The following ADGRE2 variants were observed in gnomAD, a reference collection of about 807,000 sequenced individuals.
ADGRE2 encodes the protein CD97 antigen.
In ADGRE2, 83 loss-of-function variants were observed where a neutral mutation model predicts 100.8. The observed-to-expected ratio is 0.82, with a 90% CI of 0.69 to 0.99. The LOEUF (loss-of-function observed/expected upper bound fraction) is 0.99, where lower values mean the gene tolerates loss of function less well. ADGRE2 is among the 50% of genes least tolerant of loss of function. The pLI is 0.00. For missense variants in ADGRE2, 814 were observed against 1,035.7 expected, an observed-to-expected ratio of 0.79 and a Z score of 2.94; for synonymous variants, 355 against 413.0, an observed-to-expected ratio of 0.86 and a Z score of 1.70.
chr19:14,753,789 A>C (rs1172991627), intron 14 of ADGRE2, among the ~76,000 whole-genome samples: 6 of 48,414 alleles, frequency 1.2e-4, no homozygotes, highest in Non-Finnish European at 2.1e-4. Flanking sequence ...GACCCTGTCT[A>C]AAAAAAAAAA....
At chr19:14,745,374 G>A (rs1458194284) in intron 18 of ADGRE2, among the ~76,000 whole-genome samples, 1 of 152,132 alleles carries the variant, frequency 6.6e-6, no homozygotes, top group East Asian at 1.9e-4. Context: ...TGGGGTATCC[G>A]TCACTTCGCG....
downstream of ADGRE2, among the ~76,000 whole-genome samples, chr19:14,727,518 C>T (rs1363433996): frequency 6.6e-6 from 1 of 152,136 alleles, no homozygotes; most frequent in Non-Finnish European, 1.5e-5. Context: ...TTTTAAACAA[C>T]CTGATCTGGT....
rs1260080918 is a variant in ADGRE2, at chr19:14,736,785, AGT to A, written c.2464-543_2464-542del. On this transcript the variant is annotated intron_variant, in intron 20 of 20. Coordinates refer to ENST00000315576, the MANE Select transcript of ADGRE2 (RefSeq NM_013447.4). ...ATATTTAGAAATATAGATATTTAGAAGTATAGATATTTAGAAATATATAGATA... is the reference window on the plus strand; with the variant it reads ...ATATTTAGAAATATAGATATTTAGAAATAGATATTTAGAAATATATAGATA... 1.5e-3 allele frequency among the ~76,000 whole-genome samples: 177 copies of A among 119,082 alleles called. 2 individuals carry two copies. Among genetic ancestry groups the A allele is most frequent in the Non-Finnish European group, 2.5e-3 (149 of 59,628 alleles). The allele number at this position is 119,082 out of a possible 152,430, so 78.1% of individuals were successfully genotyped here. A position where few individuals can be genotyped will look rare whatever the true frequency, so the allele number is the denominator to read the frequency against.
intron 16 of ADGRE2, among the ~76,000 whole-genome samples, chr19:14,750,440 A>G (rs1377407680): frequency 6.6e-6 from 1 of 152,114 alleles, no homozygotes; most frequent in Non-Finnish European, 1.5e-5. Flanking sequence ...TATCTATGAA[A>G]AATCCTCAGC....
Position 14,736,192 on chromosome 19 carries a change from AT to A in ADGRE2, c.*43del. 6.3e-7 allele frequency: 1 copy of A among 1,576,464 alleles called. No individual in the cohort carries two copies. Among genetic ancestry groups the A allele is most frequent in the Non-Finnish European group, 8.7e-7 (1 of 1,147,322 alleles). On this transcript the variant is annotated 3_prime_UTR_variant, in exon 21 of 21. Coordinates refer to ENST00000315576, the MANE Select transcript of ADGRE2 (RefSeq NM_013447.4). ...TCTAGATGGCTCAAAGATTGTTCAG[AT>A]TTTCCACGGGCAAAGAGGGAAGATC...
chr19:14,754,206 G>C (rs566674916), intron 14 of ADGRE2, among the ~76,000 whole-genome samples: 2 of 152,126 alleles, frequency 1.3e-5, no homozygotes, highest in South Asian at 4.2e-4. Context: ...GGCTCTCCTT[G>C]CTCCTCAGCC....
rs778168574 is a variant in ADGRE2, at chr19:14,743,555, G to A, written c.2353-25C>T. 3.7e-6 allele frequency: 6 copies of A among 1,612,530 alleles called. No individual in the cohort carries two copies. The South Asian group carries it at 5.5e-5, about 15-fold the overall frequency. ...CCTGCAGAGGCAAAGTGTGTACTGG[G>A]TCAGCTCACAGAGAGCAGTGAGGAC... On this transcript the variant is annotated intron_variant, in intron 19 of 20. Transcript: ENST00000315576.
chr19:14,758,090 C>T (rs907660790), intron 11 of ADGRE2, among the ~76,000 whole-genome samples: 4 of 152,180 alleles, frequency 2.6e-5, no homozygotes, highest in Admixed American at 6.5e-5. Flanking sequence ...GGATTACAGG[C>T]GTGAGCCACC....
rs140176153 is a variant in ADGRE2, at chr19:14,769,897, A to G, written c.355+2445T>C. Among the ~76,000 whole-genome samples, 438 of 151,976 alleles carry G rather than the reference A, an allele frequency of 2.9e-3. 2 individuals are homozygous for G. The highest frequency in any genetic ancestry group is 0.01 in the African/African-American group (419 of 41,456). ...GTATTTGTAGTAGAGACGGGGTTTC[A>G]CCATGTTAGCCAGGATGGTCTCGAT... On this transcript the variant is annotated intron_variant, in intron 5 of 20. Coordinates refer to ENST00000315576, the MANE Select transcript of ADGRE2 (RefSeq NM_013447.4).
At chr19:14,764,002 ATCC>A (rs368457432) in intron 11 of ADGRE2, among the ~76,000 whole-genome samples, 264 of 85,088 alleles carry the variant, frequency 3.1e-3, no homozygotes, top group Middle Eastern at 0.021. Context: ...CTTCCTCTTT[ATCC>A]TCCTCCTCCT....
chr19:14,734,565 ATAT>A lies in ADGRE2; in HGVS notation c.*1668_*1670del, dbSNP rs1568570951. 6.6e-6 allele frequency: 1 copy of A among 152,062 alleles called. No homozygotes were observed. Among genetic ancestry groups the A allele is most frequent in the Non-Finnish European group, 1.5e-5 (1 of 68,018 alleles). 9.4% of individuals were successfully genotyped at this position (152,062 alleles called of 1,614,324 possible). On this transcript the variant is annotated 3_prime_UTR_variant, in exon 21 of 21. Coordinates refer to ENST00000315576, the MANE Select transcript of ADGRE2 (RefSeq NM_013447.4). ...CAGGTTGAGTTGCTTTTGGAACTTA[ATAT>A]TATCATCTATGTGAGATTTCATATA...
At position 14,756,271 on chromosome 19, in the gene ADGRE2, C is replaced by T. The variant is rs796344323; in HGVS notation, c.1159G>A (p.Asp387Asn). Residue 387 changes from aspartate (D) to asparagine (N), a missense_variant, in exon 12 of 21, where the codon GAC becomes AAC. Around this residue, in one of 5 missense-constraint regions of ADGRE2, gnomAD observed 569 missense variants for 692.7 expected, o/e 0.82. Transcript: ENST00000315576. ...LRQNQAVMQL[D>N]WNQAQKSGDP... Reference sequence around the variant, plus strand: ...CCAGATTTCTGTGCCTGATTCCAGTCGAGCTGCATCACTGCCTGATTCTGT... The same window carrying T: ...CCAGATTTCTGTGCCTGATTCCAGTTGAGCTGCATCACTGCCTGATTCTGT... 1.8e-5 allele frequency: 29 copies of T among 1,613,980 alleles called. No homozygotes were observed. The highest frequency in any genetic ancestry group is 4.4e-5 in the South Asian group (4 of 91,066).
chr19:14,749,355 G>T (rs1019016383), intron 16 of ADGRE2, among the ~76,000 whole-genome samples: 9 of 142,080 alleles, frequency 6.3e-5, no homozygotes, highest in Non-Finnish European at 1.4e-4. Flanking sequence ...GATAATATAT[G>T]ATTATACAAT....
chr19:14,774,147 C>T lies in ADGRE2; in HGVS notation c.83-93G>A, dbSNP rs45472901. 3.6e-3 allele frequency: 5,389 copies of T among 1,510,334 alleles called. 69 individuals carry two copies. Among genetic ancestry groups the T allele is most frequent in the African/African-American group, 0.011 (826 of 71,890 alleles). 93.6% of individuals were successfully genotyped at this position (1,510,334 alleles called of 1,614,324 possible). A position where few individuals can be genotyped will look rare whatever the true frequency, so the allele number is the denominator to read the frequency against. ...GAGATGGGGCAGAGCGCTGAGTTTC[C>T]CGTGCACGAGCCCTCTCTTTCCCTG... On this transcript the variant is annotated intron_variant, in intron 3 of 20. Coordinates refer to ENST00000315576, the MANE Select transcript of ADGRE2 (RefSeq NM_013447.4).
At position 14,735,450 on chromosome 19, in the gene ADGRE2, T is replaced by C. The variant is rs1256658911; in HGVS notation, c.*786A>G. The C allele has an allele frequency of 2.0e-5, 3 of 152,230 alleles. No individual in the cohort carries two copies. The highest frequency in any genetic ancestry group is 6.5e-5 in the Admixed American group (1 of 15,270). The allele number at this position is 152,230 out of a possible 1,614,324, so 9.4% of individuals were successfully genotyped here. A position where few individuals can be genotyped will look rare whatever the true frequency, so the allele number is the denominator to read the frequency against. On this transcript the variant is annotated 3_prime_UTR_variant, in exon 21 of 21. Coordinates refer to ENST00000315576, the MANE Select transcript of ADGRE2 (RefSeq NM_013447.4). ...CAAGGAAAGCAGATAACAGACAGGG[T>C]TAAGGGCATTTGCTTGGAATATTTA...
At chr19:14,739,917 A>G (rs2042876027) in intron 20 of ADGRE2, among the ~76,000 whole-genome samples, 3 of 152,272 alleles carry the variant, frequency 2.0e-5, no homozygotes, top group African/African-American at 4.8e-5. Flanking sequence ...CCTGGCCAAC[A>G]TGGTGAAACC....
Position 14,755,609 on chromosome 19 carries a change from C to T in ADGRE2, c.1416+45G>A, listed in dbSNP as rs762477643. ...CTGAGCTGAGCAGCAAGGCTATGCC[C>T]GGACTCAGACTATTCACCCACCAAC... On this transcript the variant is annotated intron_variant, in intron 13 of 20. Transcript: ENST00000315576. 1.9e-5 allele frequency: 29 copies of T among 1,549,464 alleles called. 1 individual carries two copies. The highest frequency in any genetic ancestry group is 8.9e-5 in the South Asian group (8 of 89,650).
intron 15 of ADGRE2, among the ~76,000 whole-genome samples, chr19:14,751,927 ATATATTTT>A (rs772537767): frequency 4.9e-4 from 37 of 76,276 alleles, no homozygotes; most frequent in South Asian, 1.1e-3. Context: ...ATATATATAT[ATATATTTT>A]TTTTTTTTTT....
At chr19:14,748,242 G>A (rs1461902764) in intron 16 of ADGRE2, among the ~76,000 whole-genome samples, 1 of 152,156 alleles carries the variant, frequency 6.6e-6, no homozygotes, top group Non-Finnish European at 1.5e-5. Flanking sequence ...TTGATTTTCT[G>A]TTCCTGCATT....
Sources: gnomAD v4.1 joint callset for allele counts (sites outside exome capture counted in the v4.1 genomes callset) on GRCh38, gnomAD v4.1.1 for gene constraint, gnomAD v4.1.1 regional missense constraint, MANE v1.5 for transcripts, NCBI Gene and HGNC (gene_info 2026-07-23, HGNC 2026-07-21) for gene names.